The following CCSER1 variants were observed in gnomAD, a reference collection of about 807,000 sequenced individuals.
CCSER1 encodes the protein serine-rich coiled-coil domain-containing protein 1.
Under a neutral mutation model 82.0 loss-of-function variants are expected in CCSER1, and 41 were observed. The ratio of observed to expected loss-of-function variants is 0.50; its 90% confidence interval spans 0.39 to 0.65. CCSER1 has a LOEUF of 0.65. Ranked by LOEUF, CCSER1 falls within the 30% of genes least tolerant of loss-of-function variation. CCSER1 has a pLI of 0.00. For missense variants in CCSER1, 1,119 were observed against 1,064.2 expected (o/e 1.05, Z -0.72); for synonymous variants, 414 against 383.9 (o/e 1.08, Z -0.92).
intron 10 of CCSER1, among the ~76,000 whole-genome samples, chr4:91,143,574 C>T (rs1379818281): frequency 6.6e-6 from 1 of 152,036 alleles, no homozygotes; most frequent in Non-Finnish European, 1.5e-5. Flanking sequence ...ATGCCTCTAG[C>T]TTTTGCCCAT....
chr4:90,169,390 G>C (rs1442089576), intron 1 of CCSER1, among the ~76,000 whole-genome samples: 1 of 152,074 alleles, frequency 6.6e-6, no homozygotes, highest in Non-Finnish European at 1.5e-5. Context: ...AGACGATGGG[G>C]TTTTCTAGGT....
rs572358536 is a variant in CCSER1 at position 90,620,181 on chromosome 4, A to C, written c.1725-7844A>C. On this transcript the variant is annotated intron_variant, in intron 5 of 10. Coordinates refer to ENST00000509176, the MANE Select transcript of CCSER1 (RefSeq NM_001145065.2). The stretch of plus-strand genomic sequence containing the variant: ...CGTTACTATTTAATCTAATTCCCTA[A>C]GACTGTAACTTAATAATATTTCACT... Among the ~76,000 whole-genome samples, 6 of 152,298 alleles carry C rather than the reference A, an allele frequency of 3.9e-5. No individual in the cohort carries two copies. The East Asian group carries it at 1.2e-3, about 29-fold the overall frequency.
intron 5 of CCSER1, among the ~76,000 whole-genome samples, chr4:90,493,222 T>TA (rs1461997252): frequency 6.6e-6 from 1 of 151,002 alleles, no homozygotes; most frequent in Non-Finnish European, 1.5e-5. Context: ...GAAAAAAGAG[T>TA]AAAAAGAAAT....
intron 10 of CCSER1, among the ~76,000 whole-genome samples, chr4:91,441,124 G>T (rs1755103036): frequency 6.6e-6 from 1 of 152,112 alleles, no homozygotes; most frequent in South Asian, 2.1e-4. Flanking sequence ...ATTTTATGAG[G>T]CCAGGATCAT....
chr4:90,327,228 C>T lies in CCSER1; in HGVS notation c.1509+14181C>T, dbSNP rs949172540. Among the ~76,000 whole-genome samples, 3 of 152,162 alleles carry T rather than the reference C, an allele frequency of 2.0e-5. 1 individual carries two copies. The highest frequency in any genetic ancestry group is 2.0e-4 in the Admixed American group (3 of 15,274). ...ACTTTGAATGCTCTCCTCAAAATAT[C>T]TGTTCTATTCTTGCAATCCCCCTCA... is the stretch of plus-strand genomic sequence containing the variant. On this transcript the variant is annotated intron_variant, in intron 3 of 10. Transcript: ENST00000509176.
chr4:91,360,655 G>C (rs76873040), intron 10 of CCSER1, among the ~76,000 whole-genome samples: 41,948 of 151,420 alleles, frequency 0.28, 6,565 homozygotes, highest in Middle Eastern at 0.43. Flanking sequence ...CAACAAGACA[G>C]CCATAACCAC....
At position 90,929,205 on chromosome 4, in the gene CCSER1, A is replaced by G. The variant is rs187548654; in HGVS notation, c.2172+5758A>G. Among the ~76,000 whole-genome samples, 18 of 152,286 alleles carry G rather than the reference A, an allele frequency of 1.2e-4. No individual in the cohort carries two copies. The East Asian group carries it at 3.1e-3, about 26-fold the overall frequency. ...TGTGCTGGTGAAACTAAACAAATTT[A>G]GAAAGCACTCAATGATTACTTGGTG... On this transcript the variant is annotated intron_variant, in intron 9 of 10. Transcript: ENST00000509176.
intron 1 of CCSER1, among the ~76,000 whole-genome samples, chr4:90,295,944 C>T (rs1331052750): frequency 6.6e-6 from 1 of 151,556 alleles, no homozygotes. Context: ...CCTGTGATGA[C>T]ATTTTTTTTG....
intron 10 of CCSER1, among the ~76,000 whole-genome samples, chr4:91,226,815 T>C (rs1435152047): frequency 1.3e-5 from 2 of 151,914 alleles, no homozygotes; most frequent in African/African-American, 2.4e-5. Context: ...TGTGGTCCAA[T>C]GGTTTAGAGC....
At chr4:90,404,433 C>T (rs184884311) in intron 4 of CCSER1, among the ~76,000 whole-genome samples, 5 of 152,252 alleles carry the variant, frequency 3.3e-5, no homozygotes, top group African/African-American at 1.2e-4. Flanking sequence ...TTCTATGGCC[C>T]TTCCCACGGC....
chr4:90,374,491 T>C (rs1054267837), intron 3 of CCSER1, among the ~76,000 whole-genome samples: 1 of 152,188 alleles, frequency 6.6e-6, no homozygotes, highest in East Asian at 1.9e-4. Flanking sequence ...TAAAATAATC[T>C]TGTGAGTGAG....
At chr4:90,233,733 A>G (rs1460893059) in intron 1 of CCSER1, among the ~76,000 whole-genome samples, 2 of 150,882 alleles carry the variant, frequency 1.3e-5, no homozygotes, top group African/African-American at 2.4e-5. Context: ...AAAAAAAAAG[A>G]GAAAATTATT....
intron 10 of CCSER1, among the ~76,000 whole-genome samples, chr4:91,476,649 A>T (rs1222223951): frequency 6.7e-6 from 1 of 149,442 alleles, no homozygotes; most frequent in Non-Finnish European, 1.5e-5. Flanking sequence ...ACTTCAAAAT[A>T]TACCACAAAG....
At chr4:90,412,997 A>T (rs1344803687) in intron 4 of CCSER1, among the ~76,000 whole-genome samples, 1 of 150,434 alleles carries the variant, frequency 6.6e-6, no homozygotes, top group Non-Finnish European at 1.5e-5. Context: ...AAATCAGTAA[A>T]GAGGAAGTCA....
In CCSER1 at chr4:91,600,746, G is replaced by A. The variant is rs909492329; in HGVS notation, c.*1689G>A. On this transcript the variant is annotated 3_prime_UTR_variant, in exon 11 of 11. Transcript: ENST00000509176. ...GGAGTCGAGTGGATATGTTGTACTT[G>A]TAATTTTGGTTTTCCAAAGGAACAC... The A allele has an allele frequency of 1.3e-5, 2 of 152,166 alleles. No homozygotes were observed. Among genetic ancestry groups the A allele is most frequent in the Non-Finnish European group, 2.9e-5 (2 of 68,016 alleles). The allele number at this position is 152,166 out of a possible 1,614,324, so 9.4% of individuals were successfully genotyped here.
intron 10 of CCSER1, among the ~76,000 whole-genome samples, chr4:91,542,019 A>G (rs111684597): frequency 7.0e-4 from 107 of 152,284 alleles, no homozygotes; most frequent in African/African-American, 2.5e-3. Flanking sequence ...GGCTGCATAA[A>G]TGTCTTCTTT....
At chr4:90,844,022 G>A (rs1009041201) in intron 8 of CCSER1, among the ~76,000 whole-genome samples, 2 of 151,676 alleles carry the variant, frequency 1.3e-5, no homozygotes, top group Admixed American at 6.6e-5. Context: ...CTATGACCTC[G>A]TATATTATTA....
intron 1 of CCSER1, among the ~76,000 whole-genome samples, chr4:90,231,321 G>A (rs570989603): frequency 1.3e-4 from 20 of 152,068 alleles, no homozygotes; most frequent in African/African-American, 3.6e-4. Context: ...TTCAATATAC[G>A]CAAATCAATA....
intron 5 of CCSER1, among the ~76,000 whole-genome samples, chr4:90,504,950 A>G (rs896122744): frequency 5.3e-5 from 8 of 152,096 alleles, no homozygotes; most frequent in South Asian, 2.1e-4. Context: ...AAACTGAAAC[A>G]TCTTTGGGTT....
Sources: allele counts gnomAD v4.1 joint callset (sites outside exome capture counted in the v4.1 genomes callset), GRCh38; gene constraint gnomAD v4.1.1; transcripts MANE v1.5; gene names NCBI Gene and HGNC (gene_info 2026-07-23, HGNC 2026-07-21).